BPIFB6: variants seen among roughly 807,000 people sequenced by gnomAD.
The protein encoded by BPIFB6 is BPI fold containing family B member 6, also known as BPI fold-containing family B member 6.
A neutral mutation model predicts 54.7 loss-of-function variants in BPIFB6; 47 were observed. That is an observed-to-expected ratio of 0.86 (90% CI 0.68 to 1.10). The LOEUF (loss-of-function observed/expected upper bound fraction) is 1.10, where lower values mean the gene tolerates loss of function less well. BPIFB6 is among the 50% of genes least tolerant of loss of function. The pLI, the probability that BPIFB6 is intolerant of heterozygous loss-of-function variation, is 0.00. For missense variants in BPIFB6, 603 were observed against 564.1 expected, an observed-to-expected ratio of 1.07 and a Z score of -0.70; for synonymous variants, 255 against 225.9, an observed-to-expected ratio of 1.13 and a Z score of -1.16.
chr20:33,043,228 G>T (rs548095233), intron 13 of BPIFB6, 63 bp from the exon 14 acceptor site: 231 of 1,425,176 alleles, frequency 1.6e-4, no homozygotes, highest in Non-Finnish European at 2.0e-4. Flanking sequence ...CCTACCCCAG[G>T]CTGCCACTCC....
rs116775219 is a variant in BPIFB6 at position 33,033,581 on chromosome 20, T to A, written c.197+498T>A. The A allele has an allele frequency of 1.7e-3, 765 of 456,812 alleles. 5 individuals are homozygous for A. Among genetic ancestry groups the A allele is most frequent in the African/African-American group, 0.014 (680 of 50,162 alleles). The allele number at this position is 456,812 out of a possible 1,614,324, so 28.3% of individuals were successfully genotyped here. On this transcript the variant is annotated intron_variant, in intron 2 of 14. Transcript: ENST00000349552. ...AACTAGGACTGTGATCAACTAGCAATGTCTGCCAAGAGCTCAGGATGGGCA... is the reference window on the plus strand; with the variant it reads ...AACTAGGACTGTGATCAACTAGCAAAGTCTGCCAAGAGCTCAGGATGGGCA...
intron 5 of BPIFB6, 32 bp downstream of exon 5, chr20:33,035,176 G>C (rs757456357): frequency 6.2e-7 from 1 of 1,607,366 alleles, no homozygotes. Flanking sequence ...TCCACCCCTC[G>C]TTGCTGGGAC....
intron 12 of BPIFB6, among the ~76,000 whole-genome samples, 190 bp downstream of exon 12, chr20:33,042,205 T>C (rs1979620884): frequency 6.6e-6 from 1 of 152,218 alleles, no homozygotes; most frequent in African/African-American, 2.4e-5. Context: ...CCCTGTTTCC[T>C]TTTCTGGATA....
chr20:33,043,340 C>T lies in BPIFB6; in HGVS notation c.1302C>T (p.Tyr434=). The T allele has an allele frequency of 1.2e-6, 2 of 1,614,166 alleles. No homozygotes were observed. Among genetic ancestry groups the T allele is most frequent in the Non-Finnish European group, 1.7e-6 (2 of 1,180,010 alleles). Residue 434 remains tyrosine (Y), a synonymous_variant, in exon 14 of 15, where the codon TAC becomes TAT. Coordinates refer to ENST00000349552, the MANE Select transcript of BPIFB6 (RefSeq NM_174897.2). The stretch of plus-strand genomic sequence containing the variant: ...TCCCGGACTTTCTGGCCATGAATTA[C>T]AACCTGGCTGAGCTGGACATAGTAG... ...LPLPDFLAMN[Y]NLAELDIVEN... is the part of the protein sequence containing the mutation.
chr20:33,040,450 C>T, intron 11 of BPIFB6, 132 bp downstream of exon 11: 1 of 802,296 alleles, frequency 1.2e-6, no homozygotes. Context: ...GCTACTTTTC[C>T]TGCTCTAGAA....
In BPIFB6 at chr20:33,040,253, C is replaced by T. The variant is rs771206678; in HGVS notation, c.1077C>T (p.His359=). Residue 359 remains histidine (H), a splice_region_variant and synonymous_variant, in exon 11 of 15, where the codon CAC becomes CAT. Coordinates refer to ENST00000349552, the MANE Select transcript of BPIFB6 (RefSeq NM_174897.2). ...CTGCTTCCTCCCCACCATGCCAGCA[C>T]TTCAATCTGAAGGTCCAGTACTCAG... The part of the protein sequence containing the change: ...APMSLFLLEV[H]FNLKVQYSVH... The T allele has an allele frequency of 6.2e-7, 1 of 1,614,014 alleles. No homozygotes were observed. The highest frequency in any genetic ancestry group is 8.5e-7 in the Non-Finnish European group (1 of 1,180,000).
At chr20:33,039,652 G>C (rs1979494525) in intron 10 of BPIFB6, 132 bp downstream of exon 10, 1 of 1,039,042 alleles carries the variant, frequency 9.6e-7, no homozygotes, top group Admixed American at 2.9e-5. Context: ...TCTGATCCTT[G>C]GCTCTGCCAC....
At position 33,038,851 on chromosome 20, in the gene BPIFB6, T is replaced by C. The variant is rs754240657; in HGVS notation, c.847-58T>C. ...CACCTTGTTAAGTCAGTGGAGATGT[T>C]TGTTAGGATGGGCCAGGGAGGACTC... On this transcript the variant is annotated intron_variant, in intron 8 of 14. Coordinates refer to ENST00000349552, the MANE Select transcript of BPIFB6 (RefSeq NM_174897.2). 12 of 1,520,082 alleles carry C rather than the reference T, an allele frequency of 7.9e-6. No individual in the cohort carries two copies. In the Admixed American group the frequency reaches 1.0e-4, roughly 13 times the overall value. The allele number at this position is 1,520,082 out of a possible 1,614,324, so 94.2% of individuals were successfully genotyped here. A position where few individuals can be genotyped will look rare whatever the true frequency, so the allele number is the denominator to read the frequency against.
In BPIFB6 at chr20:33,035,661, C is replaced by G. The variant is rs1979306031; in HGVS notation, c.566C>G (p.Thr189Ser). Residue 189 changes from threonine to serine, a missense_variant, in exon 6 of 15, where the codon ACC becomes AGC. By Grantham distance (58) the Thr-to-Ser change is moderately conservative. Transcript: ENST00000349552. ...AVLVYVNRKW[T>S]NLSDPMPVGQ... ...CTGGTGTATGTGAACAGGAAGTGGA[C>G]CAACCTCAGTGGTGAGTGTAGCCCT... The G allele has an allele frequency of 6.2e-7, 1 of 1,614,114 alleles. No individual in the cohort carries two copies. The highest frequency in any genetic ancestry group is 1.1e-5 in the South Asian group (1 of 91,084).
Position 33,035,594 on chromosome 20 carries a change from T to A in BPIFB6, c.517-18T>A. ...CCATGCAGGGACCCTCTCAGCCCAG[T>A]GCCTTCTCTGCTTCCAGATGTGTCC... On this transcript the variant is annotated intron_variant, in intron 5 of 14. Coordinates refer to ENST00000349552, the MANE Select transcript of BPIFB6 (RefSeq NM_174897.2). 1 of 1,614,092 alleles carries A rather than the reference T, an allele frequency of 6.2e-7. No individual in the cohort carries two copies. The highest frequency in any genetic ancestry group is 8.5e-7 in the Non-Finnish European group (1 of 1,179,940).
rs148068295 is a variant in BPIFB6, at chr20:33,038,911, T to C, written c.849T>C (p.Ile283=). 8.9e-4 allele frequency: 1,434 copies of C among 1,614,116 alleles called. 2 individuals are homozygous for C. Among genetic ancestry groups the C allele is most frequent in the Non-Finnish European group, 1.1e-3 (1,355 of 1,180,000 alleles). ...SFHVNIQDTM[I]GELPPQTTKT... is the part of the protein sequence containing the mutation. Reference sequence around the variant, plus strand: ...TAACCTTGACTTTTATTCTGTAGATTGGTGAGCTGCCCCCACAAACCACCA... The same window carrying C: ...TAACCTTGACTTTTATTCTGTAGATCGGTGAGCTGCCCCCACAAACCACCA... The change falls in exon 9 of 15, where the codon ATT becomes ATC. Residue 283 remains isoleucine (I), a splice_region_variant and synonymous_variant. Transcript: ENST00000349552.
At chr20:33,038,872 G>A in intron 8 of BPIFB6, 37 bp from the exon 9 acceptor site, 3 of 1,604,544 alleles carry the variant, frequency 1.9e-6, no homozygotes, top group Non-Finnish European at 2.6e-6. Context: ...GGCCAGGGAG[G>A]ACTCCAGCAA....
intron 10 of BPIFB6, 57 bp from the exon 11 acceptor site, chr20:33,040,194 C>T (rs1979518742): frequency 6.5e-7 from 1 of 1,528,910 alleles, no homozygotes; most frequent in Non-Finnish European, 9.1e-7. Context: ...CTGGCTTTGC[C>T]AGCCCTGATG....
In BPIFB6 at chr20:33,035,605, C is replaced by T. The variant is rs1431947987; in HGVS notation, c.517-7C>T. On this transcript the variant is annotated splice_region_variant and splice_polypyrimidine_tract_variant and intron_variant, in intron 5 of 14. Coordinates refer to ENST00000349552, the MANE Select transcript of BPIFB6 (RefSeq NM_174897.2). ...CCCTCTCAGCCCAGTGCCTTCTCTGCTTCCAGATGTGTCCCGCCATCGATG... is the reference window on the plus strand; with the variant it reads ...CCCTCTCAGCCCAGTGCCTTCTCTGTTTCCAGATGTGTCCCGCCATCGATG... 2 of 1,614,210 alleles carry T rather than the reference C, an allele frequency of 1.2e-6. No individual in the cohort carries two copies. The highest frequency in any genetic ancestry group is 1.7e-5 in the Admixed American group (1 of 60,030).
rs1241518209 is a variant in BPIFB6, at chr20:33,036,491, G to A, written c.624G>A (p.Met208Ile). 6.2e-7 allele frequency: 1 copy of A among 1,614,172 alleles called. No individual in the cohort carries two copies. Among genetic ancestry groups the A allele is most frequent in the South Asian group, 1.1e-5 (1 of 91,086 alleles). ...TGGGCACCGTCAAATATGTTCTGAT[G>A]TCCGCACCAGCCACCACAGCCAGCT... is the stretch of plus-strand genomic sequence containing the variant. ...GQMGTVKYVL[M>I]SAPATTASYI... The change falls in exon 7 of 15, where the codon ATG (methionine) becomes ATA (isoleucine). Residue 208 changes from methionine to isoleucine, a missense_variant. Transcript: ENST00000349552.
chr20:33,037,449 T>A (rs781449311), intron 7 of BPIFB6, 113 bp from the exon 8 acceptor site: 1 of 1,037,536 alleles, frequency 9.6e-7, no homozygotes, highest in Non-Finnish European at 1.4e-6. Context: ...TAAGATTTAA[T>A]GATTTGCTGA....
rs1979649619 is a variant in BPIFB6, at chr20:33,042,893, A to C, written c.1252+15A>C. On this transcript the variant is annotated intron_variant, in intron 13 of 14. Coordinates refer to ENST00000349552, the MANE Select transcript of BPIFB6 (RefSeq NM_174897.2). ...AGTTGTCAATGGTGAGGGTTCCAAA[A>C]GGCTTTGGACCATGGTGCCAAGAAG... The C allele has an allele frequency of 1.9e-6, 3 of 1,612,876 alleles. No individual in the cohort carries two copies. The African/African-American group carries it at 4.0e-5, about 21-fold the overall frequency.
At position 33,038,970 on chromosome 20, in the gene BPIFB6, C is replaced by T. The variant is rs745742692; in HGVS notation, c.900+8C>T. 9.9e-6 allele frequency: 16 copies of T among 1,613,616 alleles called. No individual in the cohort carries two copies. The Admixed American group carries it at 1.7e-4, about 17-fold the overall frequency. ...GCTCGCTTCATTCCTGAAGTGAGTG[C>T]CCCACCTCCCCATCACCACTGCACC... On this transcript the variant is annotated splice_region_variant and intron_variant, in intron 9 of 14. Coordinates refer to ENST00000349552, the MANE Select transcript of BPIFB6 (RefSeq NM_174897.2).
intron 11 of BPIFB6, among the ~76,000 whole-genome samples, chr20:33,040,557 T>A (rs117383423): frequency 1.1e-3 from 169 of 152,326 alleles, no homozygotes; most frequent in Middle Eastern, 3.4e-3. Flanking sequence ...CCCTCACTCT[T>A]CCCCTAGGCT....
Sources: allele counts gnomAD v4.1 joint callset (sites outside exome capture counted in the v4.1 genomes callset), GRCh38; gene constraint gnomAD v4.1.1; transcripts MANE v1.5; gene names NCBI Gene and HGNC (gene_info 2026-07-23, HGNC 2026-07-21).